The following MAP3K11 variants were observed in gnomAD, a reference collection of about 807,000 sequenced individuals.
MAP3K11 encodes SH3 domain-containing proline-rich kinase.
A neutral mutation model predicts 84.9 loss-of-function variants in MAP3K11; 46 were observed. That is an observed-to-expected ratio of 0.54 (90% CI 0.43 to 0.69). MAP3K11 has a LOEUF of 0.69. Among genes scored for constraint, MAP3K11 ranks in the 30% least tolerant of loss-of-function variants. The pLI is 0.00. For synonymous variants in MAP3K11, 527 were observed against 514.7 expected (o/e 1.02, Z -0.32); for missense variants, 1,053 against 1,198.3 (o/e 0.88, Z 1.79).
In MAP3K11 at chr11:65,605,960, T is replaced by C. The variant is rs1233199203; in HGVS notation, c.1725A>G (p.Glu575=). Residue 575 remains glutamate (E), a synonymous_variant, in exon 7 of 10, where the codon GAA becomes GAG. Transcript: ENST00000309100. Reference sequence around the variant, plus strand: ...CAGGTACTCACCTCCCATTCTGGGCTTCCCCAGGCTTGGGGGAACTGGGAC... The same window carrying C: ...CAGGTACTCACCTCCCATTCTGGGCCTCCCCAGGCTTGGGGGAACTGGGAC... ...AWGPSSPKPG[E]AQNGRRRSRM... The C allele has an allele frequency of 6.2e-7, 1 of 1,602,612 alleles. No homozygotes were observed.
Position 65,613,253 on chromosome 11 carries a change from G to A in MAP3K11, c.504C>T (p.Phe168=), listed in dbSNP as rs1164135822. The A allele has an allele frequency of 6.8e-6, 11 of 1,608,864 alleles. No homozygotes were observed. Among genetic ancestry groups the A allele is most frequent in the Middle Eastern group, 1.7e-4 (1 of 6,046 alleles). ...AESVRQEARL[F]AMLAHPNIIA... ...TGATGTTGGGGTGTGCCAGCATGGC[G>A]AAGAGCCGGGCCTCCTGGCGAACGC... Residue 168 remains phenylalanine (F), a synonymous_variant, in exon 1 of 10, where the codon TTC becomes TTT. Transcript: ENST00000309100.
At chr11:65,606,229 G>A in intron 6 of MAP3K11, 148 bp from the exon 7 acceptor site, 1 of 887,414 alleles carries the variant, frequency 1.1e-6, no homozygotes, top group Non-Finnish European at 1.6e-6. Context: ...AGATGGGTTT[G>A]GGTCTTGGGG....
At chr11:65,610,942 G>C (rs887600649) in intron 1 of MAP3K11, 1 of 152,424 alleles carries the variant, frequency 6.6e-6, no homozygotes, top group Non-Finnish European at 1.5e-5. Context: ...GTCCCAACTC[G>C]AACTGCTGTT....
At chr11:65,601,061 TC>T (rs1469361773) in intron 8 of MAP3K11, among the ~76,000 whole-genome samples, 1 of 152,166 alleles carries the variant, frequency 6.6e-6, no homozygotes, top group Non-Finnish European at 1.5e-5. Flanking sequence ...ACCCATCACT[TC>T]CAGCTTCATT....
rs1854424260 is a variant in MAP3K11, at chr11:65,599,473, A to T, written c.2127T>A (p.Pro709=). 1 of 1,507,980 alleles carries T rather than the reference A, an allele frequency of 6.6e-7. No individual in the cohort carries two copies. The highest frequency in any genetic ancestry group is 1.5e-5 in the African/African-American group (1 of 67,554). 93.4% of individuals were successfully genotyped at this position (1,507,980 alleles called of 1,614,324 possible). Residue 709 remains proline (P), a synonymous_variant, in exon 9 of 10, where the codon CCT becomes CCA. Coordinates refer to ENST00000309100, the MANE Select transcript of MAP3K11 (RefSeq NM_002419.4). ...TACCCAGGTCCAGCAACAGGGGTGCAGGAGTGGGCGGGGAGTCGGGCGTCT... is the reference window on the plus strand; with the variant it reads ...TACCCAGGTCCAGCAACAGGGGTGCTGGAGTGGGCGGGGAGTCGGGCGTCT... The part of the protein sequence containing the change: ...SLKTPDSPPT[P]APLLLDLGIP...
At position 65,613,612 on chromosome 11, in the gene MAP3K11, G is replaced by C. The variant is rs752914916; in HGVS notation, c.145C>G (p.Leu49Val). 9 of 1,612,988 alleles carry C rather than the reference G, an allele frequency of 5.6e-6. No individual in the cohort carries two copies. The highest frequency in any genetic ancestry group is 7.6e-6 in the Non-Finnish European group (9 of 1,180,012). ...AGYANPVWTA[L>V]FDYEPSGQDE... ...TGCCCACTGGGCTCGTAGTCGAACAGGGCTGTCCACACCGGGTTGGCATAA... is the reference window on the plus strand; with the variant it reads ...TGCCCACTGGGCTCGTAGTCGAACACGGCTGTCCACACCGGGTTGGCATAA... Residue 49 changes from leucine to valine, a missense_variant, in exon 1 of 10, where the codon CTG becomes GTG. This residue lies in a region of MAP3K11 where 160 missense variants were observed against 167.3 expected (regional missense o/e 0.96). Transcript: ENST00000309100.
chr11:65,607,091 C>T (rs1468809266), intron 5 of MAP3K11, 179 bp downstream of exon 5: 11 of 909,336 alleles, frequency 1.2e-5, no homozygotes, highest in Non-Finnish European at 1.4e-5. Context: ...GCAAATACTT[C>T]CGCCAGAACC....
At chr11:65,605,304 AGGCTCCCAGAAGG>A (rs1303519564) in intron 8 of MAP3K11, among the ~76,000 whole-genome samples, 3 of 151,938 alleles carry the variant, frequency 2.0e-5, no homozygotes, top group Non-Finnish European at 2.9e-5. Flanking sequence ...CTTCACCTAC[AGGCTCCCAGAAGG>A]GGCTCTGAGA....
intron 8 of MAP3K11, among the ~76,000 whole-genome samples, chr11:65,603,061 C>A (rs566860280): frequency 3.3e-5 from 5 of 152,250 alleles, no homozygotes; most frequent in African/African-American, 1.2e-4. Flanking sequence ...CATGATCATG[C>A]CATTGCAGTC....
At position 65,607,822 on chromosome 11, in the gene MAP3K11, G is replaced by T; in HGVS notation, c.1070-6C>A. On this transcript the variant is annotated splice_polypyrimidine_tract_variant and splice_region_variant and intron_variant, in intron 3 of 9. Coordinates refer to ENST00000309100, the MANE Select transcript of MAP3K11 (RefSeq NM_002419.4). ...GGGGTCCTGCGCCCAGCAGTCTAGG[G>T]GCACGGCGTGCAGCGGGGACAGAAT... The T allele has an allele frequency of 6.2e-7, 1 of 1,609,174 alleles. No individual in the cohort carries two copies. The highest frequency in any genetic ancestry group is 8.5e-7 in the Non-Finnish European group (1 of 1,176,680).
At chr11:65,608,139 C>T in intron 2 of MAP3K11, 69 bp from the exon 3 acceptor site, 1 of 1,599,900 alleles carries the variant, frequency 6.3e-7, no homozygotes, top group Non-Finnish European at 8.6e-7. Context: ...TGCCACTTCA[C>T]CCAAAAGCAA....
Position 65,598,405 on chromosome 11 carries a change from G to A in MAP3K11, c.2430C>T (p.Asp810=), listed in dbSNP as rs762054182. Reference sequence around the variant, plus strand: ...TGGCAGGTGGGGAGTCCCAGAAGGGGTCTGAGTCCGGGAACAAGGTCCAGG... The same window carrying A: ...TGGCAGGTGGGGAGTCCCAGAAGGGATCTGAGTCCGGGAACAAGGTCCAGG... ...RAPWTLFPDS[D]PFWDSPPANP... The change falls in exon 10 of 10, where the codon GAC becomes GAT. Residue 810 remains aspartate, a synonymous_variant. Transcript: ENST00000309100. 6.3e-7 allele frequency: 1 copy of A among 1,582,490 alleles called. No individual in the cohort carries two copies. Among genetic ancestry groups the A allele is most frequent in the East Asian group, 2.3e-5 (1 of 44,132 alleles).
At chr11:65,607,173 C>T (rs1854519378) in intron 5 of MAP3K11, 97 bp downstream of exon 5, 2 of 1,368,318 alleles carry the variant, frequency 1.5e-6, no homozygotes, top group Admixed American at 7.4e-5. Flanking sequence ...CCACCCACAA[C>T]ACCCTAAACC....
Position 65,598,090 on chromosome 11 carries a change from C to T in MAP3K11, c.*201G>A. 2.4e-6 allele frequency: 1 copy of T among 417,988 alleles called. No homozygotes were observed. The highest frequency in any genetic ancestry group is 4.2e-6 in the Non-Finnish European group (1 of 238,742). 25.9% of individuals were successfully genotyped at this position (417,988 alleles called of 1,614,324 possible). On this transcript the variant is annotated 3_prime_UTR_variant, in exon 10 of 10. Transcript: ENST00000309100. ...CAGTAGGGCAGGTGAGCTGGGGGGACCTACAGGTTTCAGATGTGGGGGCGC... is the reference window on the plus strand; with the variant it reads ...CAGTAGGGCAGGTGAGCTGGGGGGATCTACAGGTTTCAGATGTGGGGGCGC...
At position 65,613,670 on chromosome 11, in the gene MAP3K11, T is replaced by TGCA; in HGVS notation, c.86_87insTGC (p.Gly29_Gly30insAla). 1 of 1,610,364 alleles carries TGCA rather than the reference T, an allele frequency of 6.2e-7. No individual in the cohort carries two copies. The highest frequency in any genetic ancestry group is 1.1e-5 in the South Asian group (1 of 91,000). ...CCTTTGGAGACCCCTCAGGCCGGCC[T>TGCA]CCTCCACCGCCCCCACCACCCCCGC... On this transcript the variant is annotated inframe_insertion, in exon 1 of 10. Transcript: ENST00000309100.
In MAP3K11 at chr11:65,613,306, C is replaced by CG. The variant is rs774500592; in HGVS notation, c.450dup (p.Asp151ArgfsTer2). 1 of 1,613,240 alleles carries CG rather than the reference C, an allele frequency of 6.2e-7. No homozygotes were observed. The highest frequency in any genetic ancestry group is 1.1e-5 in the South Asian group (1 of 91,084). Reference sequence around the variant, plus strand: ...TCGGCTGTCACACTGATGTCCTCATCGGGGTCCTGGCGAGCTGCCTTCACA... The same window carrying CG: ...TCGGCTGTCACACTGATGTCCTCATCGGGGGTCCTGGCGAGCTGCCTTCACA... On this transcript the variant is annotated frameshift_variant, in exon 1 of 10. Transcript: ENST00000309100. LOFTEE classifies it high-confidence loss of function.
At chr11:65,604,912 A>C (rs1440402644) in intron 8 of MAP3K11, among the ~76,000 whole-genome samples, 4 of 152,106 alleles carry the variant, frequency 2.6e-5, no homozygotes, top group African/African-American at 9.7e-5. Flanking sequence ...AGAGCTGGGC[A>C]GTGTTGAGCT....
chr11:65,606,868 C>CCTG, intron 5 of MAP3K11, 64 bp from the exon 6 acceptor site: 1 of 1,072,286 alleles, frequency 9.3e-7, no homozygotes, highest in Non-Finnish European at 1.4e-6. Context: ...GGACCCCAAC[C>CCTG]TGCAGGGGCC....
intron 9 of MAP3K11, 122 bp downstream of exon 9, chr11:65,599,272 C>A: frequency 2.4e-6 from 3 of 1,232,328 alleles, no homozygotes; most frequent in Non-Finnish European, 3.2e-6. Context: ...ATGCCTGGTT[C>A]AGGGTCCAGC....
Sources: allele counts gnomAD v4.1 joint callset (sites outside exome capture counted in the v4.1 genomes callset), GRCh38; gene constraint gnomAD v4.1.1; regional missense constraint gnomAD v4.1.1; transcripts MANE v1.5; gene names NCBI Gene and HGNC (gene_info 2026-07-23, HGNC 2026-07-21).